NKAIN2: variants seen among roughly 807,000 people sequenced by gnomAD.
NKAIN2 encodes the protein sodium/potassium transporting ATPase interacting 2, also known as sodium/potassium-transporting ATPase subunit beta-1-interacting protein 2.
Under a neutral mutation model 32.6 loss-of-function variants are expected in NKAIN2, and 14 were observed. The ratio of observed to expected loss-of-function variants is 0.43; its 90% confidence interval spans 0.28 to 0.67. The LOEUF (loss-of-function observed/expected upper bound fraction) is 0.67. Ranked by LOEUF, NKAIN2 falls within the 30% of genes least tolerant of loss-of-function variation. The pLI is 0.17. For synonymous variants in NKAIN2, 80 were observed against 87.2 expected, an observed-to-expected ratio of 0.92 and a Z score of 0.46; for missense variants, 198 against 258.3, an observed-to-expected ratio of 0.77 and a Z score of 1.60.
intron 4 of NKAIN2, among the ~76,000 whole-genome samples, chr6:124,778,461 A>G (rs551827860): frequency 2.4e-4 from 36 of 151,992 alleles, no homozygotes; most frequent in South Asian, 1.7e-3. Flanking sequence ...TGTTTCTTTA[A>G]TAGAGTCATC....
intron 3 of NKAIN2, among the ~76,000 whole-genome samples, chr6:124,393,651 G>A (rs1773237009): frequency 6.6e-6 from 1 of 152,092 alleles, no homozygotes; most frequent in Non-Finnish European, 1.5e-5. Flanking sequence ...CAGATGGTGA[G>A]GAGCCGAGTC....
intron 1 of NKAIN2, among the ~76,000 whole-genome samples, chr6:124,046,075 TC>T (rs1759542107): frequency 6.6e-6 from 1 of 152,002 alleles, no homozygotes; most frequent in African/African-American, 2.4e-5. Context: ...TTACACATTA[TC>T]TTTTTTTTTC....
chr6:124,438,520 A>T (rs904101436), intron 3 of NKAIN2, among the ~76,000 whole-genome samples: 1 of 152,178 alleles, frequency 6.6e-6, no homozygotes, highest in South Asian at 2.1e-4. Flanking sequence ...GATACAGAAA[A>T]GAAAGAAGAG....
At chr6:124,026,673 T>G (rs915000773) in intron 1 of NKAIN2, among the ~76,000 whole-genome samples, 2 of 152,220 alleles carry the variant, frequency 1.3e-5, no homozygotes, top group Non-Finnish European at 2.9e-5. Flanking sequence ...CTTGACCTTG[T>G]GTTCAGACAG....
At chr6:124,247,706 A>C (rs1162327275) in intron 1 of NKAIN2, among the ~76,000 whole-genome samples, 1 of 152,156 alleles carries the variant, frequency 6.6e-6, no homozygotes, top group Non-Finnish European at 1.5e-5. Flanking sequence ...GCCTAGACAT[A>C]GAATATAAAA....
intron 3 of NKAIN2, among the ~76,000 whole-genome samples, chr6:124,412,618 G>A (rs1347315271): frequency 6.6e-6 from 1 of 152,294 alleles, no homozygotes; most frequent in East Asian, 1.9e-4. Flanking sequence ...CTACTCAGGG[G>A]TCGGGGACCC....
chr6:124,437,913 G>A (rs1270286636), intron 3 of NKAIN2: 8 of 384,414 alleles, frequency 2.1e-5, no homozygotes, highest in African/African-American at 2.0e-4. Context: ...GTAACGGTCT[G>A]ATGGTAAGTT....
chr6:124,505,990 G>A (rs1778462743), intron 3 of NKAIN2, among the ~76,000 whole-genome samples: 1 of 151,974 alleles, frequency 6.6e-6, no homozygotes, highest in Non-Finnish European at 1.5e-5. Flanking sequence ...TGGCTAACAC[G>A]GTGAAACCCC....
At position 124,666,137 on chromosome 6, in the gene NKAIN2, C is replaced by A. The variant is rs79935678; in HGVS notation, c.474+7751C>A. On this transcript the variant is annotated intron_variant, in intron 4 of 6. Transcript: ENST00000368417. ...CTCTAGTTCTCCTGTGTACCAGAAA[C>A]ACAAACCTGCTTGTCAAAAGATAGT... 2.0e-5 allele frequency among the ~76,000 whole-genome samples: 3 copies of A among 152,270 alleles called. No individual in the cohort carries two copies. In the East Asian group the frequency reaches 5.8e-4, roughly 29 times the overall value.
intron 1 of NKAIN2, among the ~76,000 whole-genome samples, chr6:124,243,291 T>G (rs1793210515): frequency 6.6e-6 from 1 of 151,990 alleles, no homozygotes; most frequent in East Asian, 1.9e-4. Flanking sequence ...GGCCAGGAGT[T>G]GGAGACCACT....
rs188196543 is a variant in NKAIN2, at chr6:123,850,717, C to T, written c.54+46463C>T. Reference sequence around the variant, plus strand: ...GAATGAACGTATGCATTACTTCACACGCTTATTTTTTTGTGGTGGGAACAC... The same window carrying T: ...GAATGAACGTATGCATTACTTCACATGCTTATTTTTTTGTGGTGGGAACAC... On this transcript the variant is annotated intron_variant, in intron 1 of 6. Transcript: ENST00000368417. Among the ~76,000 whole-genome samples the T allele has an allele frequency of 4.7e-4, 72 of 152,262 alleles. 1 individual carries two copies. In the East Asian group the frequency reaches 0.012, roughly 25 times the overall value.
chr6:124,569,630 C>G (rs1218027947), intron 3 of NKAIN2, among the ~76,000 whole-genome samples: 1 of 152,182 alleles, frequency 6.6e-6, no homozygotes, highest in Non-Finnish European at 1.5e-5. Flanking sequence ...TCCTCATTCT[C>G]TCTTGTTGCC....
At chr6:123,956,095 C>T (rs898565139) in intron 1 of NKAIN2, among the ~76,000 whole-genome samples, 4 of 152,022 alleles carry the variant, frequency 2.6e-5, no homozygotes, top group Admixed American at 6.6e-5. Context: ...AGCAGTATTT[C>T]ATTCTTAAAC....
chr6:124,323,561 C>G (rs893887677), intron 2 of NKAIN2, among the ~76,000 whole-genome samples: 1 of 152,074 alleles, frequency 6.6e-6, no homozygotes, highest in Non-Finnish European at 1.5e-5. Flanking sequence ...TCTTTCCCCC[C>G]ACTTAATCAC....
At chr6:123,833,877 G>A (rs755668405) in intron 1 of NKAIN2, among the ~76,000 whole-genome samples, 5 of 151,504 alleles carry the variant, frequency 3.3e-5, no homozygotes, top group East Asian at 1.9e-4. Context: ...ACAGGTGTGC[G>A]CCACCATGCC....
At chr6:124,013,592 T>A (rs752130995) in intron 1 of NKAIN2, among the ~76,000 whole-genome samples, 49 of 152,176 alleles carry the variant, frequency 3.2e-4, no homozygotes, top group Non-Finnish European at 1.0e-4. Context: ...ATCTGTGTGG[T>A]AAATAGAATA....
At position 123,896,413 on chromosome 6, in the gene NKAIN2, A is replaced by G. The variant is rs1019913523; in HGVS notation, c.54+92159A>G. ...TCACCAACCTGTTTAATTTTTTTTA[A>G]AAGACATATTCAAGTCAGTATTTAA... On this transcript the variant is annotated intron_variant, in intron 1 of 6. Coordinates refer to ENST00000368417, the MANE Select transcript of NKAIN2 (RefSeq NM_001040214.3). 3.3e-5 allele frequency among the ~76,000 whole-genome samples: 5 copies of G among 152,276 alleles called. No homozygotes were observed. In the East Asian group the frequency reaches 9.6e-4, roughly 29 times the overall value.
At chr6:124,766,246 C>T (rs1436250004) in intron 4 of NKAIN2, among the ~76,000 whole-genome samples, 5 of 152,190 alleles carry the variant, frequency 3.3e-5, no homozygotes, top group South Asian at 2.1e-4. Context: ...CTAAGACCCT[C>T]GTTTAAAGTG....
At chr6:124,700,898 A>T (rs995533760) in intron 4 of NKAIN2, among the ~76,000 whole-genome samples, 163 of 148,664 alleles carry the variant, frequency 1.1e-3, no homozygotes, top group African/African-American at 3.6e-3. Flanking sequence ...ACACACACAC[A>T]CTCTCTCATC....
Sources: allele counts gnomAD v4.1 joint callset (sites outside exome capture counted in the v4.1 genomes callset), GRCh38; gene constraint gnomAD v4.1.1; transcripts MANE v1.5; gene names NCBI Gene and HGNC (gene_info 2026-07-23, HGNC 2026-07-21).